The following ANKRD36C variants were observed in gnomAD, a reference collection of about 807,000 sequenced individuals.
ANKRD36C encodes ankyrin repeat domain 36C.
In ANKRD36C, 61 loss-of-function variants were observed where a neutral mutation model predicts 276.4. That is an observed-to-expected ratio of 0.22 (90% CI 0.18 to 0.27). ANKRD36C has a LOEUF of 0.27. Among genes scored for constraint, ANKRD36C ranks in the 10% least tolerant of loss-of-function variants. The pLI is 1.00. For synonymous variants in ANKRD36C, 483 were observed against 680.1 expected (o/e 0.71, Z 4.51); for missense variants, 1,447 against 2,032.3 (o/e 0.71, Z 5.54).
intron 14 of ANKRD36C, among the ~76,000 whole-genome samples, chr2:95,953,703 CA>C (rs755152339): frequency 4.9e-4 from 74 of 151,950 alleles, no homozygotes; most frequent in Non-Finnish European, 9.3e-4. Flanking sequence ...GTGTATTTCC[CA>C]GCAATTTTTT....
At chr2:95,962,254 A>C in intron 8 of ANKRD36C, 98 bp downstream of exon 8, 1 of 1,336,206 alleles carries the variant, frequency 7.5e-7, no homozygotes. Flanking sequence ...GCTGAATCAG[A>C]ATGTGCAGAT....
At chr2:95,976,199 A>C (rs867785322) in intron 6 of ANKRD36C, among the ~76,000 whole-genome samples, 1 of 152,230 alleles carries the variant, frequency 6.6e-6, no homozygotes, top group African/African-American at 2.4e-5. Context: ...AACTAGTTCA[A>C]CCATTGTGGA....
chr2:95,950,587 GC>G (rs1342731512), intron 16 of ANKRD36C, among the ~76,000 whole-genome samples, 161 bp downstream of exon 16: 29 of 146,766 alleles, frequency 2.0e-4, no homozygotes, highest in Non-Finnish European at 3.3e-4. Context: ...AGCAATAATA[GC>G]ACAAATAGTT....
At chr2:95,964,208 T>C (rs1330356995) in intron 6 of ANKRD36C, among the ~76,000 whole-genome samples, 3 of 150,584 alleles carry the variant, frequency 2.0e-5, no homozygotes, top group South Asian at 4.2e-4. Context: ...TTTTTCTAGA[T>C]TAAGCTGCAA....
chr2:95,890,112 T>A, intron 46 of ANKRD36C, 118 bp from the exon 67 acceptor site: 1 of 1,337,146 alleles, frequency 7.5e-7, no homozygotes, highest in Non-Finnish European at 1.1e-6. Context: ...TAGGCTTTGA[T>A]GGCTTCTATA....
intron 6 of ANKRD36C, among the ~76,000 whole-genome samples, chr2:95,963,997 ATATATATATATATATATGTG>A (rs1370207855): frequency 0.17 from 4,266 of 24,586 alleles, 42 homozygotes; most frequent in East Asian, 0.24. Context: ...ATATATATAT[ATATATATATATATATATGTG>A]TGTGTGTGTC....
intron 42 of ANKRD36C, among the ~76,000 whole-genome samples, chr2:95,910,110 T>G (rs1329500001): frequency 6.6e-6 from 1 of 151,158 alleles, no homozygotes; most frequent in South Asian, 2.1e-4. Flanking sequence ...ACTATGCTGT[T>G]CCCCAGAGCC....
At chr2:95,946,156 G>GAAAAAAAAAAAAAAAA (rs56964568) in intron 17 of ANKRD36C, among the ~76,000 whole-genome samples, 38 of 73,286 alleles carry the variant, frequency 5.2e-4, no homozygotes, top group Admixed American at 1.0e-3. Context: ...ACAGAGAGAG[G>GAAAAAAAAAAAAAAAA]AAAAAAAAAA....
chr2:95,873,987 C>T (rs1429278549), intron 59 of ANKRD36C, among the ~76,000 whole-genome samples: 1 of 152,072 alleles, frequency 6.6e-6, no homozygotes, highest in African/African-American at 2.4e-5. Context: ...TGAAGGACCT[C>T]TTCAAGGAGA....
chr2:95,890,080 T>G, intron 46 of ANKRD36C, 86 bp from the exon 67 acceptor site: 40 of 1,497,954 alleles, frequency 2.7e-5, no homozygotes, highest in Non-Finnish European at 3.0e-5. Flanking sequence ...CATCAATCTC[T>G]GTCCTCCTGC....
At chr2:95,942,576 A>G (rs1192150625) in intron 19 of ANKRD36C, among the ~76,000 whole-genome samples, 1 of 151,710 alleles carries the variant, frequency 6.6e-6, no homozygotes, top group African/African-American at 2.4e-5. Flanking sequence ...TAAAGTTCAT[A>G]TGGTTTTCTG....
chr2:95,942,023 G>A (rs1304296288), intron 19 of ANKRD36C, among the ~76,000 whole-genome samples: 1 of 152,276 alleles, frequency 6.6e-6, no homozygotes, highest in Non-Finnish European at 1.5e-5. Context: ...AAATTGGGAC[G>A]CCAGATGACA....
At chr2:95,946,992 T>G (rs1395416810) in intron 17 of ANKRD36C, among the ~76,000 whole-genome samples, 1 of 151,998 alleles carries the variant, frequency 6.6e-6, no homozygotes, top group African/African-American at 2.4e-5. Context: ...GTTACTAACC[T>G]GCACAATGTG....
chr2:95,865,216 T>C (rs1239823360), intron 60 of ANKRD36C, among the ~76,000 whole-genome samples: 2 of 151,978 alleles, frequency 1.3e-5, no homozygotes, highest in Non-Finnish European at 2.9e-5. Context: ...ATTACCTCTA[T>C]AAAAGCAGAC....
At chr2:95,894,666 G>A (rs1343262182) in intron 44 of ANKRD36C, among the ~76,000 whole-genome samples, 2 of 151,306 alleles carry the variant, frequency 1.3e-5, no homozygotes, top group African/African-American at 2.4e-5. Context: ...GGAAGCCAAC[G>A]TATTCATATT....
chr2:95,990,265 T>C (rs994961362), intron 1 of ANKRD36C, among the ~76,000 whole-genome samples: 4 of 152,250 alleles, frequency 2.6e-5, no homozygotes, highest in African/African-American at 9.6e-5. Context: ...GAGTAATTCA[T>C]CTTTTCCTAC....
intron 40 of ANKRD36C, among the ~76,000 whole-genome samples, chr2:95,913,135 CA>C (rs1676985113): frequency 1.3e-5 from 2 of 149,496 alleles, no homozygotes; most frequent in African/African-American, 4.9e-5. Flanking sequence ...AAAATATCAT[CA>C]ATTATCAACT....
rs557185677 is a variant in ANKRD36C, at chr2:95,916,235, A to G, written c.2348-64T>C. The G allele has an allele frequency of 1.1e-5, 18 of 1,593,258 alleles. No homozygotes were observed. The African/African-American group carries it at 1.3e-4, about 12-fold the overall frequency. On this transcript the variant is annotated intron_variant, in intron 36 of 66. Transcript: ENST00000456556. ...ATATGATAAAGTTATCCATACATTC[A>G]CACAGTGTTAGCATCAACCTCTGAA...
At chr2:95,914,533 T>A (rs1315927685) in intron 38 of ANKRD36C, among the ~76,000 whole-genome samples, 1 of 151,396 alleles carries the variant, frequency 6.6e-6, no homozygotes, top group Non-Finnish European at 1.5e-5. Flanking sequence ...TGATTTGTCA[T>A]ATGTCGAAAA....
Sources: gnomAD v4.1 joint callset for allele counts (sites outside exome capture counted in the v4.1 genomes callset) on GRCh38, gnomAD v4.1.1 for gene constraint, MANE v1.5 for transcripts, NCBI Gene and HGNC (gene_info 2026-07-23, HGNC 2026-07-21) for gene names.